The following PTPRD variants were observed in gnomAD, a reference collection of about 807,000 sequenced individuals.
The protein encoded by PTPRD is protein tyrosine phosphatase receptor type D.
A neutral mutation model predicts 214.5 loss-of-function variants in PTPRD; 34 were observed. The ratio of observed to expected loss-of-function variants is 0.16; its 90% confidence interval spans 0.12 to 0.21. PTPRD has a LOEUF of 0.21. Among genes scored for constraint, PTPRD ranks in the 10% least tolerant of loss-of-function variants. PTPRD has a pLI of 1.00. For synonymous variants in PTPRD, 1,128 were observed against 845.7 expected, an observed-to-expected ratio of 1.33 and a Z score of -5.79; for missense variants, 2,545 against 2,398.7, an observed-to-expected ratio of 1.06 and a Z score of -1.27.
intron 10 of PTPRD, among the ~76,000 whole-genome samples, chr9:9,107,810 T>G (rs1028858195): frequency 6.6e-6 from 1 of 152,156 alleles, no homozygotes; most frequent in Non-Finnish European, 1.5e-5. Flanking sequence ...CCTGTCACCT[T>G]CAGGATTGAT....
intron 7 of PTPRD, among the ~76,000 whole-genome samples, chr9:9,729,863 T>A (rs944514909): frequency 6.6e-5 from 10 of 152,092 alleles, no homozygotes; most frequent in African/African-American, 2.4e-4. Context: ...TAAATTTACA[T>A]CAGGATAGCA....
intron 11 of PTPRD, among the ~76,000 whole-genome samples, chr9:8,955,055 A>C (rs1307341977): frequency 6.6e-6 from 1 of 151,854 alleles, no homozygotes; most frequent in African/African-American, 2.4e-5. Flanking sequence ...AAAGCAATAA[A>C]TTGATGGAGA....
chr9:9,292,182 CT>C (rs60668012), intron 9 of PTPRD, among the ~76,000 whole-genome samples: 106,811 of 150,090 alleles, frequency 0.71, 38,235 homozygotes, highest in African/African-American at 0.78. Context: ...TGAATGAACA[CT>C]TTTTTTTTTC....
chr9:8,759,094 G>A (rs1044186257), intron 11 of PTPRD, among the ~76,000 whole-genome samples: 1 of 151,722 alleles, frequency 6.6e-6, no homozygotes, highest in South Asian at 2.1e-4. Context: ...ACAGTGACAC[G>A]ATCAAGGCTC....
intron 9 of PTPRD, among the ~76,000 whole-genome samples, chr9:9,338,334 G>C (rs1456288400): frequency 5.3e-5 from 8 of 152,282 alleles, no homozygotes; most frequent in African/African-American, 1.9e-4. Context: ...GTCTAATTCA[G>C]ATTGCAGCAA....
Position 9,404,205 on chromosome 9 carries a change from T to C in PTPRD, c.-236-6723A>G, listed in dbSNP as rs575814244. On this transcript the variant is annotated intron_variant, in intron 8 of 45. Coordinates refer to ENST00000381196, the MANE Select transcript of PTPRD (RefSeq NM_002839.4). ...ATATTCCAAGGGCAATGCAAAGTCA[T>C]TGGAGGGTTTTAAGAAGTTGAGTGA... Among the ~76,000 whole-genome samples the C allele has an allele frequency of 4.1e-4, 62 of 152,196 alleles. 1 individual carries two copies. The highest frequency in any genetic ancestry group is 3.5e-3 in the Admixed American group (54 of 15,266).
intron 10 of PTPRD, among the ~76,000 whole-genome samples, chr9:9,150,218 T>G (rs1446759712): frequency 2.0e-5 from 3 of 152,006 alleles, no homozygotes; most frequent in Non-Finnish European, 4.4e-5. Flanking sequence ...AGGGTGATAT[T>G]AGTGTTCCAG....
intron 7 of PTPRD, among the ~76,000 whole-genome samples, chr9:9,663,404 A>C (rs2096656201): frequency 6.6e-6 from 1 of 151,534 alleles, no homozygotes. Flanking sequence ...AATTTTTAAA[A>C]AGTGACTACA....
At chr9:9,680,140 T>G (rs2097034290) in intron 7 of PTPRD, among the ~76,000 whole-genome samples, 1 of 151,892 alleles carries the variant, frequency 6.6e-6, no homozygotes, top group South Asian at 2.1e-4. Flanking sequence ...CTTCTCAACC[T>G]TACAGAGATA....
At chr9:9,517,698 C>T (rs1326694631) in intron 8 of PTPRD, among the ~76,000 whole-genome samples, 1 of 151,926 alleles carries the variant, frequency 6.6e-6, no homozygotes, top group South Asian at 2.1e-4. Flanking sequence ...TGAAAAACAT[C>T]ATTATTTCTT....
intron 5 of PTPRD, among the ~76,000 whole-genome samples, chr9:9,853,046 C>A (rs6477422): frequency 0.74 from 112,217 of 152,068 alleles, 42,871 homozygotes; most frequent in East Asian, 0.94. Context: ...ATTCTATGCT[C>A]TCCATAGAGG....
chr9:8,870,126 T>TAAAAAAAAA (rs5896269), intron 11 of PTPRD, among the ~76,000 whole-genome samples: 1 of 137,582 alleles, frequency 7.3e-6, no homozygotes. Context: ...TTCCATCAGT[T>TAAAAAAAAA]AAAAAAAAAA....
At chr9:8,383,820 T>C (rs984088133) in intron 37 of PTPRD, among the ~76,000 whole-genome samples, 7 of 152,140 alleles carry the variant, frequency 4.6e-5, no homozygotes, top group African/African-American at 1.4e-4. Flanking sequence ...AAGATAAACA[T>C]TGAGTCTCTA....
At chr9:9,533,465 T>C (rs2075907159) in intron 8 of PTPRD, among the ~76,000 whole-genome samples, 1 of 152,122 alleles carries the variant, frequency 6.6e-6, no homozygotes, top group Admixed American at 6.6e-5. Flanking sequence ...ATTTTGATGC[T>C]CTGGGTTTTA....
At chr9:10,018,462 T>G (rs2096770501) in intron 4 of PTPRD, among the ~76,000 whole-genome samples, 2 of 151,804 alleles carry the variant, frequency 1.3e-5, no homozygotes, top group African/African-American at 4.8e-5. Flanking sequence ...AAATTTTTAT[T>G]TTTTAAGCTT....
At chr9:9,504,485 G>T (rs1436548540) in intron 8 of PTPRD, among the ~76,000 whole-genome samples, 1 of 151,574 alleles carries the variant, frequency 6.6e-6, no homozygotes, top group Non-Finnish European at 1.5e-5. Flanking sequence ...TCAAAAAACA[G>T]GTGTTAAAGA....
At chr9:8,624,847 C>T (rs1359993416) in intron 14 of PTPRD, among the ~76,000 whole-genome samples, 6 of 151,800 alleles carry the variant, frequency 4.0e-5, no homozygotes, top group South Asian at 4.1e-4. Flanking sequence ...CCCTTTGCCT[C>T]GACTTCTTGA....
At chr9:10,058,116 C>A (rs1384213210) in intron 3 of PTPRD, among the ~76,000 whole-genome samples, 1 of 152,070 alleles carries the variant, frequency 6.6e-6, no homozygotes, top group African/African-American at 2.4e-5. Flanking sequence ...GGCTACTCAA[C>A]ACCCTTTCTC....
chr9:9,896,273 C>T (rs1343549267), intron 5 of PTPRD, among the ~76,000 whole-genome samples: 4 of 151,890 alleles, frequency 2.6e-5, no homozygotes, highest in African/African-American at 4.8e-5. Flanking sequence ...TGAAAGACTT[C>T]GGAAAGTTTT....
Sources: gnomAD v4.1 joint callset for allele counts (sites outside exome capture counted in the v4.1 genomes callset) on GRCh38, gnomAD v4.1.1 for gene constraint, MANE v1.5 for transcripts, NCBI Gene and HGNC (gene_info 2026-07-23, HGNC 2026-07-21) for gene names.